The following METTL27 variants were observed in gnomAD, a reference collection of about 807,000 sequenced individuals.
METTL27 encodes the protein methyltransferase like 27, also known as methyltransferase-like protein 27.
METTL27 carries 29 observed loss-of-function variants against 24.5 expected under a neutral mutation model. The observed-to-expected ratio is 1.18, with a 90% confidence interval of 0.88 to 1.61. The LOEUF (loss-of-function observed/expected upper bound fraction) is 1.61, where lower values mean the gene tolerates loss of function less well. METTL27 is among the 40% of genes most tolerant of loss of function. The probability of loss-of-function intolerance (pLI) is 0.00; values close to 1 mark genes in which losing one functional copy is unlikely to be tolerated. For missense variants in METTL27, 341 were observed against 324.3 expected (o/e 1.05, Z -0.40); for synonymous variants, 138 against 146.8 (o/e 0.94, Z 0.43).
rs782005324 is a variant in METTL27 at position 73,840,460 on chromosome 7, G to T, written c.342C>A (p.Arg114=). 11 of 1,604,108 alleles carry T rather than the reference G, an allele frequency of 6.9e-6. No individual in the cohort carries two copies. In the East Asian group the frequency reaches 2.3e-4, roughly 33 times the overall value. Reference sequence around the variant, plus strand: ...CCTGGCCCAGGGTGCAGAGGCTGAGGCGCTGATAGAGGCCGGGGGCCTGGG... The same window carrying T: ...CCTGGCCCAGGGTGCAGAGGCTGAGTCGCTGATAGAGGCCGGGGGCCTGGG... The part of the protein sequence containing the change: ...EQAQAPGLYQ[R]LSLCTLGQEP... Residue 114 remains arginine (R), a synonymous_variant, in exon 4 of 6, where the codon CGC becomes CGA. Transcript: ENST00000297873.
In METTL27 at chr7:73,835,403, C is replaced by T. The variant is rs991493171; in HGVS notation, c.479-401G>A. On this transcript the variant is annotated intron_variant, in intron 5 of 5. Transcript: ENST00000297873. Reference sequence around the variant, plus strand: ...CACGCCTGACTGGTTTTGGTGGAGACGGGGTTTCGCTGTGTTGGCCAGGCC... The same window carrying T: ...CACGCCTGACTGGTTTTGGTGGAGATGGGGTTTCGCTGTGTTGGCCAGGCC... 1.7e-4 allele frequency among the ~76,000 whole-genome samples: 25 copies of T among 144,462 alleles called. No individual in the cohort carries two copies. The South Asian group carries it at 3.9e-3, about 23-fold the overall frequency. The allele number at this position is 144,462 out of a possible 152,430, so 94.8% of individuals were successfully genotyped here. A position where few individuals can be genotyped will look rare whatever the true frequency, so the allele number is the denominator to read the frequency against.
rs781841675 is a variant in METTL27, at chr7:73,834,808, T to A, written c.673A>T (p.Met225Leu). 6.2e-7 allele frequency: 1 copy of A among 1,614,106 alleles called. No homozygotes were observed. Among genetic ancestry groups the A allele is most frequent in the Non-Finnish European group, 8.5e-7 (1 of 1,180,008 alleles). ...WRWYPASLPR[M>L]ASSPALSTCT... Reference sequence around the variant, plus strand: ...GTAGACAATGCCGGAGATGAAGCCATCCTTGGCAGAGATGCCGGATACCAC... The same window carrying A: ...GTAGACAATGCCGGAGATGAAGCCAACCTTGGCAGAGATGCCGGATACCAC... The change falls in exon 6 of 6, where the codon ATG becomes TTG. Residue 225 changes from methionine (M) to leucine (L), a missense_variant. Coordinates refer to ENST00000297873, the MANE Select transcript of METTL27 (RefSeq NM_152559.3).
chr7:73,842,100 GCCCGCACC>G lies in METTL27; in HGVS notation c.33_40del (p.Glu11AspfsTer20), dbSNP rs782134349. On this transcript the variant is annotated frameshift_variant, in exon 2 of 6. Coordinates refer to ENST00000297873, the MANE Select transcript of METTL27 (RefSeq NM_152559.3). LOFTEE classifies it high-confidence loss of function. ...GATGCCATGCGCGGCCCTGACCCGCGCCCGCACCTCGGGCAGGCTCCCACCCTCCTCCT... is the reference window on the plus strand; with the variant it reads ...GATGCCATGCGCGGCCCTGACCCGCGTCGGGCAGGCTCCCACCCTCCTCCT... 2 of 1,613,546 alleles carry G rather than the reference GCCCGCACC, an allele frequency of 1.2e-6. No individual in the cohort carries two copies. The highest frequency in any genetic ancestry group is 2.2e-5 in the South Asian group (2 of 91,062).
chr7:73,841,906 C>T lies in METTL27; in HGVS notation c.123+112G>A. The T allele has an allele frequency of 1.9e-6, 3 of 1,552,966 alleles. No individual in the cohort carries two copies. In the South Asian group the frequency reaches 3.5e-5, roughly 18 times the overall value. On this transcript the variant is annotated intron_variant, in intron 2 of 5. Transcript: ENST00000297873. ...AGGGGCAGGACTGTAGGGTTCTTAG[C>T]CAGGCCTCACTTCGTCCTCACAGCC...
chr7:73,840,822 C>T (rs1327521768), intron 3 of METTL27, among the ~76,000 whole-genome samples: 5 of 152,110 alleles, frequency 3.3e-5, no homozygotes, highest in African/African-American at 1.2e-4. Context: ...CCCTGCCTGG[C>T]TAATTTTTAA....
chr7:73,837,516 C>T (rs1461414944), intron 5 of METTL27, among the ~76,000 whole-genome samples: 1 of 149,848 alleles, frequency 6.7e-6, no homozygotes, highest in Non-Finnish European at 1.5e-5. Flanking sequence ...TTCCAGCTTC[C>T]TTCCCAGGGC....
rs1478073400 is a variant in METTL27, at chr7:73,834,668, C to T, written c.*75G>A. ...CGGAGGTCCCATTTTACAGGGGAGG[C>T]AGAGGAGGCCCAGCAGATGGGCCCA... On this transcript the variant is annotated 3_prime_UTR_variant, in exon 6 of 6. Coordinates refer to ENST00000297873, the MANE Select transcript of METTL27 (RefSeq NM_152559.3). 1.6e-5 allele frequency: 22 copies of T among 1,363,138 alleles called. No homozygotes were observed. Among genetic ancestry groups the T allele is most frequent in the Admixed American group, 6.1e-5 (3 of 48,918 alleles). 84.4% of individuals were successfully genotyped at this position (1,363,138 alleles called of 1,614,324 possible). A position where few individuals can be genotyped will look rare whatever the true frequency, so the allele number is the denominator to read the frequency against.
At position 73,841,200 on chromosome 7, in the gene METTL27, TG is replaced by T; in HGVS notation, c.124-3del. ...ACGGTACAGCAGGGTGGCCACATCC[TG>T]GGGAAAGAGTGCCGGGCCTACAACA... On this transcript the variant is annotated splice_polypyrimidine_tract_variant and splice_region_variant and intron_variant, in intron 2 of 5. Transcript: ENST00000297873. 1 of 1,557,578 alleles carries T rather than the reference TG, an allele frequency of 6.4e-7. No homozygotes were observed. Among genetic ancestry groups the T allele is most frequent in the Admixed American group, 2.1e-5 (1 of 48,446 alleles).
chr7:73,839,015 G>A (rs1253798760), intron 5 of METTL27, among the ~76,000 whole-genome samples: 8 of 152,178 alleles, frequency 5.3e-5, no homozygotes, highest in Non-Finnish European at 1.2e-4. Flanking sequence ...CAGGCACAGT[G>A]GCTCATGCCT....
At chr7:73,836,092 G>A (rs1554635125) in intron 5 of METTL27, among the ~76,000 whole-genome samples, 1 of 151,498 alleles carries the variant, frequency 6.6e-6, no homozygotes, top group Admixed American at 6.6e-5. Context: ...GGGGGGGTCA[G>A]CCCCCCGCCC....
At chr7:73,837,381 T>TAAATAAATAAAA (rs1788240851) in intron 5 of METTL27, among the ~76,000 whole-genome samples, 1 of 126,876 alleles carries the variant, frequency 7.9e-6, no homozygotes, top group African/African-American at 3.1e-5. Context: ...AATAAATAAA[T>TAAATAAATAAAA]AAAAGATTGG....
At position 73,834,596 on chromosome 7, in the gene METTL27, G is replaced by A. The variant is rs1788105531; in HGVS notation, c.*147C>T. ...ACAGGAACAGATGCCACTGTTTTCT[G>A]GGAGCTCATTTAATAGGCAGGGCAT... On this transcript the variant is annotated 3_prime_UTR_variant, in exon 6 of 6. Coordinates refer to ENST00000297873, the MANE Select transcript of METTL27 (RefSeq NM_152559.3). 1 of 678,244 alleles carries A rather than the reference G, an allele frequency of 1.5e-6. No homozygotes were observed. Among genetic ancestry groups the A allele is most frequent in the African/African-American group, 1.8e-5 (1 of 55,470 alleles). 42.0% of individuals were successfully genotyped at this position (678,244 alleles called of 1,614,324 possible).
At chr7:73,837,099 G>T (rs1788230115) in intron 5 of METTL27, among the ~76,000 whole-genome samples, 1 of 145,622 alleles carries the variant, frequency 6.9e-6, no homozygotes, top group South Asian at 2.2e-4. Flanking sequence ...CTCGTTAAGA[G>T]TCATCACCAC....
intron 3 of METTL27, 114 bp from the exon 4 acceptor site, chr7:73,840,663 T>G (rs1563652912): frequency 7.1e-7 from 1 of 1,399,024 alleles, no homozygotes; most frequent in East Asian, 2.5e-5. Flanking sequence ...TGCATTTGCT[T>G]TTTTTAAATT....
At position 73,841,188 on chromosome 7, in the gene METTL27, G is replaced by A. The variant is rs782671407; in HGVS notation, c.134C>T (p.Thr45Ile). 1.3e-6 allele frequency: 2 copies of A among 1,557,620 alleles called. No individual in the cohort carries two copies. The highest frequency in any genetic ancestry group is 1.7e-6 in the Non-Finnish European group (2 of 1,158,842). ...GAGGCGGGGCGCACGGTACAGCAGG[G>A]TGGCCACATCCTGGGGAAAGAGTGC... ...WAPDYDQDVA[T>I]LLYRAPRLAV... Residue 45 changes from threonine to isoleucine, a missense_variant, in exon 3 of 6, where the codon ACC becomes ATC. Transcript: ENST00000297873.
At chr7:73,835,740 C>T (rs1479960514) in intron 5 of METTL27, among the ~76,000 whole-genome samples, 13 of 93,158 alleles carry the variant, frequency 1.4e-4, no homozygotes, top group African/African-American at 4.3e-4. Context: ...GCGTCTCCGC[C>T]CGGCCGCCAT....
At position 73,834,860 on chromosome 7, in the gene METTL27, A is replaced by AGCGGTCCACAG. The variant is rs782227159; in HGVS notation, c.610_620dup (p.Gly208CysfsTer40). The AGCGGTCCACAG allele has an allele frequency of 4.8e-5, 78 of 1,613,968 alleles. No homozygotes were observed. The highest frequency in any genetic ancestry group is 1.6e-4 in the East Asian group (7 of 44,880). ...TCCAGCTCGGAGGTAGCCAGCTCCC[A>AGCGGTCCACAG]GCGGTCCACAGGCGGTCCACAGGCC... On this transcript the variant is annotated frameshift_variant, in exon 6 of 6. Transcript: ENST00000297873. LOFTEE classifies it high-confidence loss of function.
chr7:73,840,137 G>A lies in METTL27; in HGVS notation c.389-17C>T, dbSNP rs782070639. 6.8e-7 allele frequency: 1 copy of A among 1,470,750 alleles called. No homozygotes were observed. The highest frequency in any genetic ancestry group is 9.4e-7 in the Non-Finnish European group (1 of 1,067,866). 91.1% of individuals were successfully genotyped at this position (1,470,750 alleles called of 1,614,324 possible). ...CGAAGGTCCCTGTGTGTGTGTGGGG[G>A]GGGGTGGGGACATGGTGTGATGCTT... On this transcript the variant is annotated splice_polypyrimidine_tract_variant and intron_variant, in intron 4 of 5. Transcript: ENST00000297873.
At chr7:73,839,911 G>A (rs1197833934) in intron 5 of METTL27, 120 bp downstream of exon 5, 12 of 887,504 alleles carry the variant, frequency 1.4e-5, no homozygotes, top group African/African-American at 3.4e-5. Context: ...TGTGTGTGAC[G>A]CTGGGCAGGA....
Sources: allele counts gnomAD v4.1 joint callset (sites outside exome capture counted in the v4.1 genomes callset), GRCh38; gene constraint gnomAD v4.1.1; transcripts MANE v1.5; gene names NCBI Gene and HGNC (gene_info 2026-07-23, HGNC 2026-07-21).